BCL2: variants seen among roughly 807,000 people sequenced by gnomAD.
The protein encoded by BCL2 is BCL2 apoptosis regulator.
In BCL2, 1 loss-of-function variant was observed where a neutral mutation model predicts 14.2. The ratio of observed to expected loss-of-function variants is 0.07; its 90% CI spans 0.02 to 0.33. BCL2 has a LOEUF of 0.33. Ranked by LOEUF, BCL2 falls within the 10% of genes least tolerant of loss-of-function variation. The probability of loss-of-function intolerance (pLI) is 0.99; values close to 1 mark genes in which losing one functional copy is unlikely to be tolerated. For synonymous variants in BCL2, 151 were observed against 137.2 expected (o/e 1.10, Z -0.70); for missense variants, 247 against 305.9 (o/e 0.81, Z 1.44).
At chr18:63,211,608 T>C (rs529320902) in intron 2 of BCL2, among the ~76,000 whole-genome samples, 2 of 152,364 alleles carry the variant, frequency 1.3e-5, no homozygotes, top group South Asian at 2.1e-4. Flanking sequence ...TTTTGGTGCA[T>C]GGGCGGGGGG....
At chr18:63,266,637 T>TCTCTCTCTCTCACACACACACA (rs1491465885) in intron 2 of BCL2, among the ~76,000 whole-genome samples, 11 of 85,938 alleles carry the variant, frequency 1.3e-4, no homozygotes, top group African/African-American at 4.0e-4. Context: ...TCTCTCTCTC[T>TCTCTCTCTCTCACACACACACA]CACACACACA....
chr18:63,230,593 A>G (rs1910663655), intron 2 of BCL2, among the ~76,000 whole-genome samples: 1 of 152,122 alleles, frequency 6.6e-6, no homozygotes, highest in Non-Finnish European at 1.5e-5. Context: ...AGATTGAGCA[A>G]GGAAAAAGAA....
chr18:63,303,553 C>T (rs372419503), intron 2 of BCL2, among the ~76,000 whole-genome samples: 1 of 152,088 alleles, frequency 6.6e-6, no homozygotes, highest in African/African-American at 2.4e-5. Context: ...AATTTAAGTT[C>T]CAGAGGACAT....
At chr18:63,277,907 C>G (rs1912203336) in intron 2 of BCL2, among the ~76,000 whole-genome samples, 1 of 152,172 alleles carries the variant, frequency 6.6e-6, no homozygotes, top group African/African-American at 2.4e-5. Context: ...CTCAGTGGCC[C>G]CTGCCCATCC....
intron 2 of BCL2, among the ~76,000 whole-genome samples, chr18:63,276,156 G>A (rs749882187): frequency 1.4e-4 from 21 of 152,212 alleles, no homozygotes; most frequent in Non-Finnish European, 2.2e-4. Context: ...GACAGACAGA[G>A]GTCAGCCTGG....
intron 2 of BCL2, among the ~76,000 whole-genome samples, chr18:63,207,308 T>C (rs544681678): frequency 6.6e-6 from 1 of 152,342 alleles, no homozygotes; most frequent in Non-Finnish European, 1.5e-5. Flanking sequence ...TCCACAAAAC[T>C]GCACCTGGCT....
chr18:63,143,850 G>A lies in BCL2; in HGVS notation c.586-15091C>T, dbSNP rs917200507. Among the ~76,000 whole-genome samples the A allele has an allele frequency of 5.3e-5, 8 of 152,348 alleles. No homozygotes were observed. The East Asian group carries it at 5.8e-4, about 11-fold the overall frequency. Reference sequence around the variant, plus strand: ...TCAGGGATGCAAACATTTACTGACCGCCTGAGTTGCACACAGCATTGTGCA... The same window carrying A: ...TCAGGGATGCAAACATTTACTGACCACCTGAGTTGCACACAGCATTGTGCA... On this transcript the variant is annotated intron_variant, in intron 2 of 2. Transcript: ENST00000333681.
intron 2 of BCL2, chr18:63,161,807 G>A (rs1914928790): frequency 6.6e-6 from 1 of 152,212 alleles, no homozygotes; most frequent in African/African-American, 2.4e-5. Context: ...GTCACAGGAG[G>A]TCTGAGTGCT....
rs1163693631 is a variant in BCL2, at chr18:63,128,599, A to G, written c.*26T>C. 1.3e-6 allele frequency: 1 copy of G among 778,282 alleles called. No homozygotes were observed. The highest frequency in any genetic ancestry group is 2.4e-6 in the Non-Finnish European group (1 of 416,546). 48.2% of individuals were successfully genotyped at this position (778,282 alleles called of 1,614,324 possible). On this transcript the variant is annotated 3_prime_UTR_variant, in exon 3 of 3. Transcript: ENST00000333681. ...TACTGCTTTAGTGAACCTTTTGCAT[A>G]TTTGTTTGGGGCAGGCATGTTGACT... is the stretch of plus-strand genomic sequence containing the variant.
At chr18:63,307,261 T>A (rs1913172054) in intron 2 of BCL2, among the ~76,000 whole-genome samples, 1 of 152,218 alleles carries the variant, frequency 6.6e-6, no homozygotes, top group East Asian at 1.9e-4. Context: ...TTCTCCATAT[T>A]TTAAAAGCAC....
chr18:63,313,740 C>T (rs1371778719), intron 2 of BCL2: 1 of 152,034 alleles, frequency 6.6e-6, no homozygotes, highest in African/African-American at 2.4e-5. Context: ...CATGAGTGGG[C>T]GTATCATCCC....
chr18:63,202,962 G>A (rs551388305), intron 2 of BCL2, among the ~76,000 whole-genome samples: 4 of 152,254 alleles, frequency 2.6e-5, no homozygotes, highest in East Asian at 1.9e-4. Context: ...AAGAACAAGC[G>A]TCCTGGCCTA....
intron 2 of BCL2, among the ~76,000 whole-genome samples, chr18:63,291,603 T>C (rs1907185338): frequency 6.6e-6 from 1 of 152,112 alleles, no homozygotes; most frequent in African/African-American, 2.4e-5. Flanking sequence ...TCCCAATCTG[T>C]AAAAGACTCG....
intron 2 of BCL2, among the ~76,000 whole-genome samples, chr18:63,155,640 G>A (rs1301459650): frequency 1.3e-5 from 2 of 152,204 alleles, no homozygotes; most frequent in African/African-American, 4.8e-5. Context: ...TGGCTGAGAC[G>A]GACGTTAGAG....
intron 2 of BCL2, among the ~76,000 whole-genome samples, chr18:63,228,399 A>G (rs1221881800): frequency 6.6e-6 from 1 of 152,188 alleles, no homozygotes; most frequent in Non-Finnish European, 1.5e-5. Flanking sequence ...CCACGACTAC[A>G]TGATATAGAA....
At chr18:63,210,930 C>A (rs1041985962) in intron 2 of BCL2, among the ~76,000 whole-genome samples, 5 of 152,120 alleles carry the variant, frequency 3.3e-5, no homozygotes, top group African/African-American at 1.2e-4. Flanking sequence ...CAGCCCTTTT[C>A]TTTATTTCAT....
At chr18:63,213,897 A>G (rs117770010) in intron 2 of BCL2, among the ~76,000 whole-genome samples, 3,338 of 152,212 alleles carry the variant, frequency 0.022, 111 homozygotes, top group Admixed American at 0.089. Context: ...AGGGACCTCT[A>G]GGTCCCAAAA....
chr18:63,137,204 A>T (rs1327897410), intron 2 of BCL2, among the ~76,000 whole-genome samples: 9 of 152,224 alleles, frequency 5.9e-5, no homozygotes, highest in Admixed American at 5.9e-4. Flanking sequence ...GTTCATTCAG[A>T]GATTCAGCTC....
intron 2 of BCL2, among the ~76,000 whole-genome samples, chr18:63,210,475 A>C (rs974464319): frequency 1.3e-5 from 2 of 152,192 alleles, no homozygotes; most frequent in African/African-American, 4.8e-5. Flanking sequence ...ATACTTTCCA[A>C]GTATATTTTG....
Sources: allele counts gnomAD v4.1 joint callset (sites outside exome capture counted in the v4.1 genomes callset), GRCh38; gene constraint gnomAD v4.1.1; transcripts MANE v1.5; gene names NCBI Gene and HGNC (gene_info 2026-07-23, HGNC 2026-07-21).